The following INTS1 variants were observed in gnomAD, a reference collection of about 807,000 sequenced individuals.
INTS1 encodes the protein integrator complex subunit 1.
In INTS1, 137 loss-of-function variants were observed where a neutral mutation model predicts 241.6. That is an observed-to-expected ratio of 0.57 (90% CI 0.49 to 0.65). The LOEUF (loss-of-function observed/expected upper bound fraction) is 0.65. Ranked by LOEUF, INTS1 falls within the 30% of genes least tolerant of loss-of-function variation. INTS1 has a pLI of 0.00. For synonymous variants in INTS1, 1,692 were observed against 1,337.8 expected (o/e 1.26, Z -5.78); for missense variants, 3,073 against 3,032.2 (o/e 1.01, Z -0.32).
chr7:1,488,138 C>G (rs557903397), intron 18 of INTS1, among the ~76,000 whole-genome samples, 181 bp from the exon 19 acceptor site: 1 of 152,152 alleles, frequency 6.6e-6, no homozygotes, highest in Admixed American at 6.5e-5. Flanking sequence ...GACGAGAAGC[C>G]GCAGCGCTGC....
chr7:1,478,311 G>A (rs1781825310), intron 33 of INTS1, 55 bp downstream of exon 33: 4 of 1,593,572 alleles, frequency 2.5e-6, no homozygotes, highest in Admixed American at 1.7e-5. Context: ...AGGAGCCTCA[G>A]GTTTGGGTCT....
chr7:1,497,015 C>T lies in INTS1; in HGVS notation c.1602+123G>A. The T allele has an allele frequency of 2.9e-6, 3 of 1,021,876 alleles. No homozygotes were observed. Among genetic ancestry groups the T allele is most frequent in the Non-Finnish European group, 4.2e-6 (3 of 717,976 alleles). The allele number at this position is 1,021,876 out of a possible 1,614,324, so 63.3% of individuals were successfully genotyped here. A position where few individuals can be genotyped will look rare whatever the true frequency, so the allele number is the denominator to read the frequency against. On this transcript the variant is annotated intron_variant, in intron 11 of 47. Transcript: ENST00000404767. This position sits in a 1 kb window ranked among gnomAD's most constrained non-coding sequence, Gnocchi z 5.3. ...TCACCGCAAACAGCCTCACTCATCC[C>T]CGTACCCACGCTCAGCCAGAGCATC...
At chr7:1,495,357 A>C in intron 13 of INTS1, 76 bp downstream of exon 13, 1 of 1,506,848 alleles carries the variant, frequency 6.6e-7, no homozygotes, top group Non-Finnish European at 8.9e-7. Flanking sequence ...GGTTTGGGGC[A>C]GGGGTTGTGC....
In INTS1 at chr7:1,481,277, A is replaced by C. The variant is rs1176750603; in HGVS notation, c.3850+65T>G. On this transcript the variant is annotated intron_variant, in intron 28 of 47. Coordinates refer to ENST00000404767, the MANE Select transcript of INTS1 (RefSeq NM_001080453.3). The surrounding 1 kb of genome is among the most constrained non-coding windows in gnomAD (Gnocchi z 6.8). ...CACCCGCTCGCACCCAGGCCCCAAAAGCCTGGCCGGGCTGGGGCTCGGTCA... is the reference window on the plus strand; with the variant it reads ...CACCCGCTCGCACCCAGGCCCCAAACGCCTGGCCGGGCTGGGGCTCGGTCA... 3 of 1,593,852 alleles carry C rather than the reference A, an allele frequency of 1.9e-6. No homozygotes were observed. The highest frequency in any genetic ancestry group is 1.7e-5 in the Admixed American group (1 of 59,140).
Position 1,482,625 on chromosome 7 carries a change from T to C in INTS1, c.3624A>G (p.Thr1208=), listed in dbSNP as rs1395204165. 4 of 1,612,848 alleles carry C rather than the reference T, an allele frequency of 2.5e-6. No individual in the cohort carries two copies. The highest frequency in any genetic ancestry group is 2.2e-5 in the East Asian group (1 of 44,870). The change falls in exon 27 of 48, where the codon ACA becomes ACG. Residue 1208 remains threonine (T), a synonymous_variant. Coordinates refer to ENST00000404767, the MANE Select transcript of INTS1 (RefSeq NM_001080453.3). ...KPLPTAFLVD[T]SEEALLLPDW... ...CAGGAAGCAGCAGCGCCTCCTCCGA[T>C]GTGTCCACCAGGAAGGCGGTGGGCA...
At position 1,485,350 on chromosome 7, in the gene INTS1, G is replaced by T; in HGVS notation, c.3096C>A (p.Asp1032Glu). 1 of 1,611,902 alleles carries T rather than the reference G, an allele frequency of 6.2e-7. No homozygotes were observed. Among genetic ancestry groups the T allele is most frequent in the Non-Finnish European group, 8.5e-7 (1 of 1,179,778 alleles). ...TGTCGAACAGAGGCAGGCGAGGCAGGTCCCGCAGCAGCCACTGATAGCCCT... is the reference window on the plus strand; with the variant it reads ...TGTCGAACAGAGGCAGGCGAGGCAGTTCCCGCAGCAGCCACTGATAGCCCT... ...VLQGYQWLLR[D>E]LPRLPLFDSV... The change falls in exon 23 of 48, where the codon GAC (aspartate) becomes GAA (glutamate). Residue 1032 changes from aspartate (D) to glutamate (E), a missense_variant. Physicochemically the swap from Asp to Glu is conservative, Grantham distance 45. Coordinates refer to ENST00000404767, the MANE Select transcript of INTS1 (RefSeq NM_001080453.3).
In INTS1 at chr7:1,476,772, T is replaced by C. The variant is rs200367907; in HGVS notation, c.5063+22A>G. On this transcript the variant is annotated intron_variant, in intron 36 of 47. Transcript: ENST00000404767. ...AAGGCCAGTATGCGCGCAGCCCAGGTTGGGGACAGGGAGGCGCCCACCTCT... is the reference window on the plus strand; with the variant it reads ...AAGGCCAGTATGCGCGCAGCCCAGGCTGGGGACAGGGAGGCGCCCACCTCT... The C allele has an allele frequency of 2.0e-4, 328 of 1,612,510 alleles. 1 individual carries two copies. The African/African-American group carries it at 2.5e-3, about 12-fold the overall frequency.
At position 1,484,101 on chromosome 7, in the gene INTS1, C is replaced by T. The variant is rs1442357943; in HGVS notation, c.3331G>A (p.Ala1111Thr). The T allele has an allele frequency of 6.2e-7, 1 of 1,612,428 alleles. No individual in the cohort carries two copies. The highest frequency in any genetic ancestry group is 1.3e-5 in the African/African-American group (1 of 74,924). The change falls in exon 25 of 48, where the codon GCC becomes ACC. Residue 1111 changes from alanine (A) to threonine (T), a missense_variant. Coordinates refer to ENST00000404767, the MANE Select transcript of INTS1 (RefSeq NM_001080453.3). ...GCGCTCAGCACGGCGTCCGACGCGG[C>T]ACTCGGGGAGAGCTTCGAGAAGAGG... ...SHLFSKLSPSAASDAVLSALL... is the reference protein window; with the variant it reads ...SHLFSKLSPSTASDAVLSALL...
Position 1,476,646 on chromosome 7 carries a change from G to A in INTS1, c.5075C>T (p.Ser1692Phe), listed in dbSNP as rs1471031717. The change falls in exon 37 of 48, where the codon TCT becomes TTT. Residue 1692 changes from serine (S) to phenylalanine (F), a missense_variant. Physicochemically the swap from Ser to Phe is radical, Grantham distance 155. Coordinates refer to ENST00000404767, the MANE Select transcript of INTS1 (RefSeq NM_001080453.3). ...GKSREQRFDPSASLDFLWACI... is the reference protein window; with the variant it reads ...GKSREQRFDPFASLDFLWACI... ...GGCCCAGAGGAAGTCCAGAGAGGCA[G>A]AGGGGTCGAACCTGTGGGGAGGCAA... is the stretch of plus-strand genomic sequence containing the variant. 1.9e-6 allele frequency: 3 copies of A among 1,612,720 alleles called. No homozygotes were observed. The highest frequency in any genetic ancestry group is 2.5e-6 in the Non-Finnish European group (3 of 1,179,882).
chr7:1,483,693 T>G, intron 26 of INTS1, 49 bp downstream of exon 26: 1 of 1,451,336 alleles, frequency 6.9e-7, no homozygotes, highest in South Asian at 1.1e-5. Context: ...GTCAGGGCTG[T>G]GGCCCACCTG....
intron 30 of INTS1, 33 bp downstream of exon 30, chr7:1,480,284 C>T (rs1214076313): frequency 1.2e-5 from 19 of 1,576,170 alleles, no homozygotes; most frequent in Non-Finnish European, 1.6e-5. Context: ...AGAGGGGCTG[C>T]AGGTGGAGAC....
intron 27 of INTS1, 145 bp downstream of exon 27, chr7:1,482,401 C>G (rs934404391): frequency 2.3e-5 from 17 of 742,600 alleles, no homozygotes; most frequent in Admixed American, 1.8e-4. Flanking sequence ...GTGGCCAGGA[C>G]ATATGGTCTG....
Position 1,487,386 on chromosome 7 carries a change from G to A in INTS1, c.2580C>T (p.Leu860=). The change falls in exon 20 of 48, where the codon CTC becomes CTT. Residue 860 remains leucine, a synonymous_variant. Coordinates refer to ENST00000404767, the MANE Select transcript of INTS1 (RefSeq NM_001080453.3). ...TGCGGCACAAGAGGTGCCCGAGGCG[G>A]AGGGACTGGTTGAGGCTTTTCACTT... ...LDQVKSLNQS[L]RLGHLLCRSR... is the part of the protein sequence containing the mutation. The A allele has an allele frequency of 6.2e-7, 1 of 1,611,920 alleles. No homozygotes were observed. The highest frequency in any genetic ancestry group is 1.7e-5 in the Admixed American group (1 of 59,884).
In INTS1 at chr7:1,473,592, G is replaced by A. The variant is rs770891301; in HGVS notation, c.5931C>T (p.Phe1977=). The A allele has an allele frequency of 1.9e-6, 3 of 1,606,718 alleles. No individual in the cohort carries two copies. The highest frequency in any genetic ancestry group is 2.5e-6 in the Non-Finnish European group (3 of 1,176,862). Reference sequence around the variant, plus strand: ...GGAGCGGGTCGGCGTGCTTCTGCAGGAAGGAGATGGCTGCTGGGGCATTGT... The same window carrying A: ...GGAGCGGGTCGGCGTGCTTCTGCAGAAAGGAGATGGCTGCTGGGGCATTGT... ...ITYNAPAAIS[F]LQKHADPLHD... is the part of the protein sequence containing the mutation. Residue 1977 remains phenylalanine, a synonymous_variant, in exon 42 of 48, where the codon TTC becomes TTT. Coordinates refer to ENST00000404767, the MANE Select transcript of INTS1 (RefSeq NM_001080453.3).
chr7:1,479,563 G>C lies in INTS1; in HGVS notation c.4196C>G (p.Pro1399Arg). The C allele has an allele frequency of 6.5e-7, 1 of 1,549,240 alleles. No individual in the cohort carries two copies. The change falls in exon 31 of 48, where the codon CCG becomes CGG. Residue 1399 changes from proline (P) to arginine (R), a missense_variant. Transcript: ENST00000404767. ...ARVVQGSPEV[P>R]GITVRVLQAL... ...CTGCAGGACACGCACCGTGATGCCC[G>C]GCACCTCGGGGCTGCCCTGGACGAC...
At position 1,480,904 on chromosome 7, in the gene INTS1, G is replaced by A; in HGVS notation, c.3880C>T (p.His1294Tyr). Residue 1294 changes from histidine to tyrosine, a missense_variant, in exon 29 of 48, where the codon CAT becomes TAT. Transcript: ENST00000404767. ...NYMAHLVEVQ[H>Y]ERGASGGQTF... ...TGGCCTCCGGAGGCGCCGCGCTCAT[G>A]CTGGACCTCCACCAGGTGGGCCATG... 5.1e-6 allele frequency: 8 copies of A among 1,568,198 alleles called. No homozygotes were observed. The highest frequency in any genetic ancestry group is 6.9e-6 in the Non-Finnish European group (8 of 1,157,684).
In INTS1 at chr7:1,485,325, T is replaced by C. The variant is rs751680200; in HGVS notation, c.3121A>G (p.Ser1041Gly). 1.2e-6 allele frequency: 2 copies of C among 1,612,136 alleles called. No individual in the cohort carries two copies. The highest frequency in any genetic ancestry group is 8.5e-7 in the Non-Finnish European group (1 of 1,179,776). The part of the protein sequence containing the change: ...RDLPRLPLFD[S>G]VRSTTALALQ... ...GCCAGGGCTGTGGTGCTCCTGACGC[T>C]GTCGAACAGAGGCAGGCGAGGCAGG... Residue 1041 changes from serine to glycine, a missense_variant, in exon 23 of 48, where the codon AGC becomes GGC. Physicochemically the swap from Ser to Gly is moderately conservative, Grantham distance 56. Transcript: ENST00000404767.
chr7:1,503,874 C>CAAAGACCCCA (rs1562527470), intron 2 of INTS1, 29 bp downstream of exon 2: 1 of 1,538,460 alleles, frequency 6.5e-7, no homozygotes, highest in Non-Finnish European at 8.8e-7. Context: ...CAAAGACCCC[C>CAAAGACCCCA]GGGCTGCAGA....
intron 3 of INTS1, 77 bp downstream of exon 3, chr7:1,502,824 G>C (rs1430596983): frequency 6.6e-7 from 1 of 1,516,600 alleles, no homozygotes; most frequent in African/African-American, 1.4e-5. Flanking sequence ...ACTAGGCCTG[G>C]AGGGGGCCTT....
Sources: allele counts gnomAD v4.1 joint callset (sites outside exome capture counted in the v4.1 genomes callset), GRCh38; gene constraint gnomAD v4.1.1; non-coding constraint Gnocchi (gnomAD v3.1); transcripts MANE v1.5; gene names NCBI Gene and HGNC (gene_info 2026-07-23, HGNC 2026-07-21).